Variants in PLCG2 observed in about 807,000 individuals in gnomAD.
The protein encoded by PLCG2 is 1-phosphatidylinositol 4,5-bisphosphate phosphodiesterase gamma-2.
A neutral mutation model predicts 175.6 loss-of-function variants in PLCG2; 69 were observed. That is an observed-to-expected ratio of 0.39 (90% CI 0.32 to 0.48). The LOEUF is 0.48. PLCG2 is among the 20% of genes least tolerant of loss of function. The pLI is 0.91. For missense variants in PLCG2, 1,798 were observed against 1,650.9 expected (o/e 1.09, Z -1.54); for synonymous variants, 827 against 624.0 (o/e 1.33, Z -4.85).
intron 2 of PLCG2, chr16:81,852,151 T>C (rs1191736770): frequency 6.6e-6 from 1 of 152,232 alleles, no homozygotes; most frequent in Non-Finnish European, 1.5e-5. Context: ...GATAACACTT[T>C]CTTCCATGGT....
intron 2 of PLCG2, among the ~76,000 whole-genome samples, chr16:81,760,760 T>TAAAAA (rs55942382): frequency 0.45 from 62,159 of 139,272 alleles, 14,940 homozygotes; most frequent in Non-Finnish European, 0.53. Flanking sequence ...AAAAAAAAAA[T>TAAAAA]AATAATAATA....
At chr16:81,826,536 G>GT (rs1350925724) in intron 2 of PLCG2, among the ~76,000 whole-genome samples, 1 of 152,234 alleles carries the variant, frequency 6.6e-6, no homozygotes, top group Non-Finnish European at 1.5e-5. Context: ...AGAATTCAAT[G>GT]TAACAAGCAC....
rs1006881860 is a variant in PLCG2, at chr16:81,900,756, G to A, written c.1338G>A (p.Gln446=). 5 of 1,603,280 alleles carry A rather than the reference G, an allele frequency of 3.1e-6. No individual in the cohort carries two copies. The African/African-American group carries it at 5.3e-5, about 17-fold the overall frequency. ...ASADQLPSPS[Q]LREKIIIKHK... ...CTGACCAGCTGCCCTCGCCCAGCCA[G>A]CTGCGGGAGAAGATCATCATCAAGG... Residue 446 remains glutamine, a synonymous_variant, in exon 14 of 33, where the codon CAG becomes CAA. Transcript: ENST00000564138.
intron 7 of PLCG2, among the ~76,000 whole-genome samples, chr16:81,879,660 G>A (rs951243449): frequency 3.5e-4 from 53 of 152,176 alleles, no homozygotes; most frequent in Admixed American, 2.7e-3. Context: ...TGTGATAGTG[G>A]ATACATTTCC....
intron 2 of PLCG2, among the ~76,000 whole-genome samples, chr16:81,789,772 C>G (rs1287179000): frequency 1.3e-5 from 2 of 152,070 alleles, no homozygotes; most frequent in Non-Finnish European, 2.9e-5. Flanking sequence ...TGCCCTTCCT[C>G]CACCTTCCCC....
At chr16:81,920,543 G>A (rs1359144430) in intron 20 of PLCG2, among the ~76,000 whole-genome samples, 1 of 152,180 alleles carries the variant, frequency 6.6e-6, no homozygotes, top group Admixed American at 6.5e-5. Flanking sequence ...CTTAAAAGGG[G>A]AGAAATGTGA....
In PLCG2 at chr16:81,961,927, G is replaced by C. The variant is rs541895353; in HGVS notation, c.*3929G>C. The stretch of plus-strand genomic sequence containing the variant: ...CATAAAATGTTAAGATTGCTGATCG[G>C]ATGTGAGGGCGATCTGGCTGCGACA... On this transcript the variant is annotated 3_prime_UTR_variant, in exon 33 of 33. Coordinates refer to ENST00000564138, the MANE Select transcript of PLCG2 (RefSeq NM_002661.5). 4 of 198,998 alleles carry C rather than the reference G, an allele frequency of 2.0e-5. No individual in the cohort carries two copies. In the South Asian group the frequency reaches 7.7e-4, roughly 38 times the overall value. 12.3% of individuals were successfully genotyped at this position (198,998 alleles called of 1,614,324 possible).
rs980347632 is a variant in PLCG2 at position 81,958,531 on chromosome 16, C to T, written c.*533C>T. ...GCTCAGTTCAATGTACTTTAACTACCACCGGCTGCCTGCTGCAGTCCACAA... is the reference window on the plus strand; with the variant it reads ...GCTCAGTTCAATGTACTTTAACTACTACCGGCTGCCTGCTGCAGTCCACAA... On this transcript the variant is annotated 3_prime_UTR_variant, in exon 33 of 33. Transcript: ENST00000564138. The T allele has an allele frequency of 1.4e-4, 32 of 231,534 alleles. No homozygotes were observed. Among genetic ancestry groups the T allele is most frequent in the African/African-American group, 6.9e-4 (31 of 45,234 alleles). 14.3% of individuals were successfully genotyped at this position (231,534 alleles called of 1,614,324 possible). A position where few individuals can be genotyped will look rare whatever the true frequency, so the allele number is the denominator to read the frequency against.
At chr16:81,823,074 G>A (rs578253720) in intron 2 of PLCG2, among the ~76,000 whole-genome samples, 87 of 152,380 alleles carry the variant, frequency 5.7e-4, no homozygotes, top group African/African-American at 1.6e-3. Context: ...TGCAGCAGCC[G>A]TAGGGCACTT....
At chr16:81,776,102 T>TC (rs1356088428), upstream of PLCG2, among the ~76,000 whole-genome samples, 1 of 47,072 alleles carries the variant, frequency 2.1e-5, no homozygotes, top group African/African-American at 5.1e-5. Context: ...TCTTTCTTTT[T>TC]TTCCTTCTTT....
chr16:81,761,990 C>G (rs190199248), intron 2 of PLCG2, among the ~76,000 whole-genome samples: 31 of 151,922 alleles, frequency 2.0e-4, no homozygotes, highest in African/African-American at 7.2e-4. Context: ...CACCACCACG[C>G]CCAGCTACTT....
chr16:81,935,530 A>C, intron 26 of PLCG2: 1 of 984,986 alleles, frequency 1.0e-6, no homozygotes, highest in Non-Finnish European at 1.2e-6. Flanking sequence ...CATATCTTTC[A>C]TCTTAGAACA....
intron 18 of PLCG2, 95 bp downstream of exon 18, chr16:81,910,815 C>G: frequency 8.6e-7 from 1 of 1,157,096 alleles, no homozygotes; most frequent in Admixed American, 1.7e-5. Context: ...GGCCAGTCCC[C>G]CAGGACACCC....
intron 5 of PLCG2, among the ~76,000 whole-genome samples, chr16:81,861,013 C>CA (rs1014916616): frequency 1.3e-4 from 20 of 151,758 alleles, no homozygotes; most frequent in Admixed American, 8.5e-4. Flanking sequence ...CAAAAAACAA[C>CA]AAAAAAACCC....
chr16:81,791,629 G>C lies in PLCG2; in HGVS notation c.193+5447G>C, dbSNP rs573595458. Among the ~76,000 whole-genome samples, 11 of 152,258 alleles carry C rather than the reference G, an allele frequency of 7.2e-5. No individual in the cohort carries two copies. In the East Asian group the frequency reaches 1.9e-3, roughly 27 times the overall value. Reference sequence around the variant, plus strand: ...ACCCAGGCTGGAGTGCAATGGTGCAGCCTCGGCTCACTGCAACCTTTGCCT... The same window carrying C: ...ACCCAGGCTGGAGTGCAATGGTGCACCCTCGGCTCACTGCAACCTTTGCCT... On this transcript the variant is annotated intron_variant, in intron 2 of 32. Transcript: ENST00000564138.
upstream of PLCG2, among the ~76,000 whole-genome samples, chr16:81,775,882 C>A (rs895860472): frequency 6.6e-6 from 1 of 151,864 alleles, no homozygotes; most frequent in African/African-American, 2.4e-5. Flanking sequence ...CTCACATCTC[C>A]CTGCCTGAAT....
chr16:81,809,872 A>G (rs180929720), intron 2 of PLCG2, among the ~76,000 whole-genome samples: 9 of 151,596 alleles, frequency 5.9e-5, no homozygotes, highest in East Asian at 1.9e-4. Flanking sequence ...AAAAAAGAGA[A>G]TTTACTGGAA....
intron 30 of PLCG2, among the ~76,000 whole-genome samples, chr16:81,940,711 A>G (rs959284556): frequency 2.8e-5 from 4 of 142,646 alleles, no homozygotes; most frequent in African/African-American, 8.3e-5. Flanking sequence ...CTTCCTACAC[A>G]GCTGAGATAG....
intron 2 of PLCG2, among the ~76,000 whole-genome samples, chr16:81,847,935 T>C (rs754223994): frequency 2.0e-5 from 3 of 152,220 alleles, no homozygotes; most frequent in African/African-American, 7.2e-5. Context: ...GGGATGACTG[T>C]ATATCTTATT....
Sources: allele counts gnomAD v4.1 joint callset (sites outside exome capture counted in the v4.1 genomes callset), GRCh38; gene constraint gnomAD v4.1.1; transcripts MANE v1.5; gene names NCBI Gene and HGNC (gene_info 2026-07-23, HGNC 2026-07-21).